HELZ: variants seen among roughly 807,000 people sequenced by gnomAD.
HELZ encodes the protein ATP-dependent RNA helicase with zinc finger domain.
Under a neutral mutation model 218.2 loss-of-function variants are expected in HELZ, and 23 were observed. The ratio of observed to expected loss-of-function variants is 0.11; its 90% CI spans 0.08 to 0.15. The LOEUF (loss-of-function observed/expected upper bound fraction) is 0.15, where lower values mean the gene tolerates loss of function less well. Among genes scored for constraint, HELZ ranks in the 10% least tolerant of loss-of-function variants. The probability of loss-of-function intolerance (pLI) is 1.00; values close to 1 mark genes in which losing one functional copy is unlikely to be tolerated. For synonymous variants in HELZ, 814 were observed against 829.4 expected, an observed-to-expected ratio of 0.98 and a Z score of 0.32; for missense variants, 1,813 against 2,353.7, an observed-to-expected ratio of 0.77 and a Z score of 4.75.
chr17:67,098,038 A>G (rs2036802469), intron 31 of HELZ, among the ~76,000 whole-genome samples: 2 of 152,244 alleles, frequency 1.3e-5, no homozygotes, highest in South Asian at 4.1e-4. Flanking sequence ...AAAATGAACT[A>G]GCTCCCTTTC....
chr17:67,138,398 G>A (rs1014652102), intron 21 of HELZ, among the ~76,000 whole-genome samples: 1 of 152,072 alleles, frequency 6.6e-6, no homozygotes, highest in African/African-American at 2.4e-5. Context: ...TGTGTAGGGA[G>A]GAACAAGCTC....
chr17:67,154,879 C>T (rs554562985), intron 17 of HELZ, among the ~76,000 whole-genome samples: 1 of 152,202 alleles, frequency 6.6e-6, no homozygotes, highest in East Asian at 1.9e-4. Flanking sequence ...TCTCTGGATG[C>T]ATCAAAGTTA....
At chr17:67,226,935 A>G (rs1363828364) in intron 3 of HELZ, among the ~76,000 whole-genome samples, 1 of 152,230 alleles carries the variant, frequency 6.6e-6, no homozygotes, top group Non-Finnish European at 1.5e-5. Flanking sequence ...TCTCAAAAAT[A>G]TAAAACTATA....
At chr17:67,117,244 T>C (rs1156901176) in intron 27 of HELZ, among the ~76,000 whole-genome samples, 3 of 152,090 alleles carry the variant, frequency 2.0e-5, no homozygotes, top group Admixed American at 1.3e-4. Flanking sequence ...GTGAAACAAA[T>C]CTCATTCAAA....
intron 21 of HELZ, among the ~76,000 whole-genome samples, chr17:67,140,029 C>T (rs547483253): frequency 1.3e-5 from 2 of 152,280 alleles, no homozygotes; most frequent in African/African-American, 4.8e-5. Context: ...CTTGGCAGCC[C>T]ATTGACAGTT....
intron 7 of HELZ, among the ~76,000 whole-genome samples, chr17:67,198,073 C>T (rs2143057442): frequency 6.6e-6 from 1 of 152,186 alleles, no homozygotes; most frequent in South Asian, 2.1e-4. Context: ...ATTTACATAA[C>T]ATATATAAAT....
chr17:67,086,987 T>C lies in HELZ; in HGVS notation c.5336A>G (p.Asp1779Gly), dbSNP rs755748201. 3 of 1,614,052 alleles carry C rather than the reference T, an allele frequency of 1.9e-6. No individual in the cohort carries two copies. Among genetic ancestry groups the C allele is most frequent in the Non-Finnish European group, 2.5e-6 (3 of 1,180,010 alleles). ...PCSEEVSTPQ[D>G]SLAQCKELQD... Reference sequence around the variant, plus strand: ...AAGCTCTTTACACTGAGCCAGACTGTCTTGAGGAGTGCTTACTTCTTCAGA... The same window carrying C: ...AAGCTCTTTACACTGAGCCAGACTGCCTTGAGGAGTGCTTACTTCTTCAGA... Residue 1779 changes from aspartate to glycine, a missense_variant, in exon 32 of 33, where the codon GAC (aspartate) becomes GGC (glycine). By Grantham distance (94) the Asp-to-Gly change is moderately conservative. Transcript: ENST00000358691.
chr17:67,149,063 GATTA>G (rs2038595569), intron 19 of HELZ, among the ~76,000 whole-genome samples: 2 of 152,198 alleles, frequency 1.3e-5, no homozygotes, highest in Admixed American at 6.5e-5. Flanking sequence ...CACTAAAATT[GATTA>G]ATTATTTTAA....
intron 15 of HELZ, among the ~76,000 whole-genome samples, chr17:67,163,550 C>A (rs1294575081): frequency 6.6e-6 from 1 of 151,718 alleles, no homozygotes; most frequent in African/African-American, 2.4e-5. Context: ...AGGTGCCCAC[C>A]ACCACGCTCG....
At chr17:67,107,147 A>C (rs2037128956) in intron 31 of HELZ, 22 bp downstream of exon 31, 13 of 1,570,968 alleles carry the variant, frequency 8.3e-6, no homozygotes, top group Non-Finnish European at 1.1e-5. Context: ...TAATAACAAA[A>C]GGAAAATAAG....
intron 3 of HELZ, among the ~76,000 whole-genome samples, chr17:67,219,724 A>AG (rs2040694744): frequency 6.6e-6 from 1 of 152,256 alleles, no homozygotes; most frequent in Non-Finnish European, 1.5e-5. Flanking sequence ...TAAATACGGA[A>AG]GGAATCTATC....
intron 3 of HELZ, chr17:67,225,023 T>C: frequency 3.0e-6 from 2 of 675,068 alleles, no homozygotes; most frequent in South Asian, 2.8e-5. Flanking sequence ...AGAGAAAGGG[T>C]CAAGTGATCC....
intron 12 of HELZ, among the ~76,000 whole-genome samples, chr17:67,183,586 C>T (rs2039671214): frequency 6.6e-6 from 1 of 152,072 alleles, no homozygotes; most frequent in Non-Finnish European, 1.5e-5. Context: ...TATCAAGTTT[C>T]CATATTTAAC....
chr17:67,113,584 CTCTGAGACTGGTGA>C (rs966788245), intron 28 of HELZ, among the ~76,000 whole-genome samples: 2 of 152,116 alleles, frequency 1.3e-5, no homozygotes, highest in African/African-American at 2.4e-5. Context: ...GGAACTCTTC[CTCTGAGACTGGTGA>C]TCAGGAAGTA....
intron 9 of HELZ, among the ~76,000 whole-genome samples, chr17:67,190,855 G>A (rs544886563): frequency 8.0e-4 from 121 of 152,152 alleles, no homozygotes; most frequent in African/African-American, 2.8e-3. Context: ...GATTACAGGC[G>A]CCCGCCACCA....
At chr17:67,112,416 T>C (rs1170055854) in intron 28 of HELZ, among the ~76,000 whole-genome samples, 1 of 152,228 alleles carries the variant, frequency 6.6e-6, no homozygotes, top group Non-Finnish European at 1.5e-5. Flanking sequence ...TATGTGCTGC[T>C]GGTGCAGGTG....
chr17:67,168,122 C>T (rs2039203919), intron 13 of HELZ, among the ~76,000 whole-genome samples: 1 of 152,070 alleles, frequency 6.6e-6, no homozygotes, highest in African/African-American at 2.4e-5. Context: ...GCTGGGATTA[C>T]AGATGCCCAC....
At chr17:67,179,826 C>T (rs2039559257) in intron 12 of HELZ, 1 of 152,064 alleles carries the variant, frequency 6.6e-6, no homozygotes, top group East Asian at 1.9e-4. Flanking sequence ...TTTCACAACT[C>T]AGATTAAAAT....
intron 3 of HELZ, among the ~76,000 whole-genome samples, chr17:67,222,431 A>C (rs1236904927): frequency 6.6e-6 from 1 of 152,214 alleles, no homozygotes; most frequent in Non-Finnish European, 1.5e-5. Flanking sequence ...CGGTAACATT[A>C]ATATGTAAGT....
Sources: gnomAD v4.1 joint callset for allele counts (sites outside exome capture counted in the v4.1 genomes callset) on GRCh38, gnomAD v4.1.1 for gene constraint, MANE v1.5 for transcripts, NCBI Gene and HGNC (gene_info 2026-07-23, HGNC 2026-07-21) for gene names.